Variants in ANKRD11 observed in about 807,000 individuals in gnomAD.
ANKRD11 encodes the protein ankyrin repeat domain-containing protein 11.
ANKRD11 carries 17 observed loss-of-function variants against 195.7 expected under a neutral mutation model. The observed-to-expected ratio is 0.09, with a 90% CI of 0.06 to 0.13. The LOEUF (loss-of-function observed/expected upper bound fraction) is 0.13. ANKRD11 is among the 10% of genes least tolerant of loss of function. The pLI is 1.00. For missense variants in ANKRD11, 3,735 were observed against 3,566.1 expected (o/e 1.05, Z -1.21); for synonymous variants, 1,953 against 1,528.1 (o/e 1.28, Z -6.49).
At chr16:89,399,934 G>A (rs996183561) in intron 2 of ANKRD11, among the ~76,000 whole-genome samples, 3 of 152,208 alleles carry the variant, frequency 2.0e-5, no homozygotes, top group Non-Finnish European at 4.4e-5. Context: ...CCAAGAAGCA[G>A]AGTAAGCCGA....
chr16:89,320,606 C>T (rs1056135264), intron 2 of ANKRD11, among the ~76,000 whole-genome samples: 1 of 152,174 alleles, frequency 6.6e-6, no homozygotes, highest in Non-Finnish European at 1.5e-5. Context: ...TCAGGGTCAC[C>T]GAGAGTCCAG....
intron 9 of ANKRD11, chr16:89,277,890 C>G (rs1180827142): frequency 1.9e-5 from 3 of 155,970 alleles, no homozygotes; most frequent in Non-Finnish European, 4.3e-5. Flanking sequence ...GTAGCTGAGC[C>G]AGGTCAGGGC....
intron 1 of ANKRD11, among the ~76,000 whole-genome samples, chr16:89,463,383 G>A (rs1567840720): frequency 2.0e-5 from 3 of 152,168 alleles, no homozygotes; most frequent in African/African-American, 7.2e-5. Context: ...CCAACCCTGT[G>A]CTCTCTGAAA....
intron 1 of ANKRD11, among the ~76,000 whole-genome samples, chr16:89,449,157 C>G (rs1329249764): frequency 6.7e-6 from 1 of 150,192 alleles, no homozygotes; most frequent in African/African-American, 2.5e-5. Context: ...TTAAGACCTG[C>G]CTAACCAACA....
At position 89,372,582 on chromosome 16, in the gene ANKRD11, CATTAAGAT is replaced by C. The variant is rs149321054; in HGVS notation, c.-60+45694_-60+45701del. Among the ~76,000 whole-genome samples, 23 of 152,168 alleles carry C rather than the reference CATTAAGAT, an allele frequency of 1.5e-4. No homozygotes were observed. The East Asian group carries it at 3.7e-3, about 24-fold the overall frequency. Reference sequence around the variant, plus strand: ...TGTTGGAGATTTACTAAAATACTAACATTAAGATATTAATACTAAAAATTAAAATACTG... The same window carrying C: ...TGTTGGAGATTTACTAAAATACTAACATTAATACTAAAAATTAAAATACTG... On this transcript the variant is annotated intron_variant, in intron 2 of 12. Transcript: ENST00000301030.
intron 1 of ANKRD11, among the ~76,000 whole-genome samples, chr16:89,477,609 A>T (rs2057302422): frequency 6.6e-6 from 1 of 151,384 alleles, no homozygotes; most frequent in Admixed American, 6.6e-5. Flanking sequence ...CACCCGCTTC[A>T]GCCTCCCAAA....
At chr16:89,489,534 G>A (rs1270088103) in intron 1 of ANKRD11, among the ~76,000 whole-genome samples, 2 of 150,450 alleles carry the variant, frequency 1.3e-5, no homozygotes, top group Non-Finnish European at 3.0e-5. Flanking sequence ...CCTCCGGCTC[G>A]GAGCCCGAGA....
At chr16:89,381,331 C>CAAAAAAAAAAAAAA (rs10567322) in intron 2 of ANKRD11, among the ~76,000 whole-genome samples, 2 of 76,354 alleles carry the variant, frequency 2.6e-5, no homozygotes, top group African/African-American at 1.1e-4. Flanking sequence ...GACTCTGCTG[C>CAAAAAAAAAAAAAA]AAAAAAAAAA....
At chr16:89,341,904 A>G (rs2038688013) in intron 2 of ANKRD11, among the ~76,000 whole-genome samples, 1 of 137,314 alleles carries the variant, frequency 7.3e-6, no homozygotes, top group Non-Finnish European at 1.6e-5. Flanking sequence ...ACCTCCACCC[A>G]CAGCGGCCAC....
chr16:89,402,503 G>T (rs1256368807), intron 2 of ANKRD11, among the ~76,000 whole-genome samples: 1 of 151,932 alleles, frequency 6.6e-6, no homozygotes, highest in Non-Finnish European at 1.5e-5. Flanking sequence ...ATGACAGGGA[G>T]ACCCCGCCTC....
At chr16:89,413,069 G>A (rs898722470) in intron 2 of ANKRD11, among the ~76,000 whole-genome samples, 2 of 152,162 alleles carry the variant, frequency 1.3e-5, no homozygotes, top group Admixed American at 1.3e-4. Context: ...GCCTGGAGGG[G>A]GAGGGAGTAG....
intron 1 of ANKRD11, among the ~76,000 whole-genome samples, chr16:89,452,028 G>A (rs2044100049): frequency 6.6e-6 from 1 of 152,088 alleles, no homozygotes; most frequent in African/African-American, 2.4e-5. Context: ...GGAGGCCGAG[G>A]CAGGTGGATC....
At chr16:89,273,288 T>C (rs1390855621) in intron 11 of ANKRD11, among the ~76,000 whole-genome samples, 1 of 152,214 alleles carries the variant, frequency 6.6e-6, no homozygotes, top group African/African-American at 2.4e-5. Context: ...TCATTTTTGC[T>C]CTGTACAGAG....
In ANKRD11 at chr16:89,280,912, G is replaced by A. The variant is rs768249075; in HGVS notation, c.5630C>T (p.Pro1877Leu). The A allele has an allele frequency of 3.8e-6, 6 of 1,598,862 alleles. No individual in the cohort carries two copies. Among genetic ancestry groups the A allele is most frequent in the African/African-American group, 2.7e-5 (2 of 74,540 alleles). The stretch of plus-strand genomic sequence containing the variant: ...ACTTGAGAAGACGCCCTCTGGAGAC[G>A]GGGTGACAGTGACAACGGCAGCCGG... ...CPPAAVVTVTPSPEGVFSSLQ... is the reference protein window; with the variant it reads ...CPPAAVVTVTLSPEGVFSSLQ... The change falls in exon 9 of 13, where the codon CCG (proline) becomes CTG (leucine). Residue 1877 changes from proline (P) to leucine (L), a missense_variant. Transcript: ENST00000301030.
At chr16:89,385,534 G>A (rs1210895453) in intron 2 of ANKRD11, among the ~76,000 whole-genome samples, 1 of 152,148 alleles carries the variant, frequency 6.6e-6, no homozygotes, top group African/African-American at 2.4e-5. Flanking sequence ...GTATCCCTGT[G>A]TCAGAGCCTC....
In ANKRD11 at chr16:89,279,839, G is replaced by A; in HGVS notation, c.6703C>T (p.Pro2235Ser). The A allele has an allele frequency of 1.9e-6, 3 of 1,548,574 alleles. No homozygotes were observed. The highest frequency in any genetic ancestry group is 2.6e-6 in the Non-Finnish European group (3 of 1,148,652). Residue 2235 changes from proline to serine, a missense_variant, in exon 9 of 13, where the codon CCG (proline) becomes TCG (serine). Transcript: ENST00000301030. The surrounding 1 kb of genome is among the most constrained non-coding windows in gnomAD (Gnocchi z 5.6). ...TVPEERARGD[P>S]DSSVEPAPVP... ...GGCGCGGGCTCCACGCTGGAGTCCGGATCCCCACGGGCCCTCTCTTCCGGC... is the reference window on the plus strand; with the variant it reads ...GGCGCGGGCTCCACGCTGGAGTCCGAATCCCCACGGGCCCTCTCTTCCGGC...
At chr16:89,324,966 A>T in intron 2 of ANKRD11, 1 of 169,576 alleles carries the variant, frequency 5.9e-6, no homozygotes, top group South Asian at 1.4e-4. Flanking sequence ...ACTCGTACAC[A>T]CAAGTACTGG....
chr16:89,402,871 C>A (rs2041757799), intron 2 of ANKRD11, among the ~76,000 whole-genome samples: 2 of 151,722 alleles, frequency 1.3e-5, no homozygotes, highest in African/African-American at 2.4e-5. Flanking sequence ...GCAGACCCTC[C>A]AGGCTCTCCC....
intron 2 of ANKRD11, among the ~76,000 whole-genome samples, chr16:89,342,040 C>CA (rs2038709254): frequency 1.1e-5 from 1 of 88,846 alleles, no homozygotes; most frequent in African/African-American, 4.0e-5. Flanking sequence ...CTGCCCACAG[C>CA]GGCCACGGCC....
Sources: gnomAD v4.1 joint callset for allele counts (sites outside exome capture counted in the v4.1 genomes callset) on GRCh38, gnomAD v4.1.1 for gene constraint, Gnocchi (gnomAD v3.1) non-coding constraint, MANE v1.5 for transcripts, NCBI Gene and HGNC (gene_info 2026-07-23, HGNC 2026-07-21) for gene names.